STPG2: variants seen among roughly 807,000 people sequenced by gnomAD.
STPG2 encodes sperm tail PG-rich repeat containing 2.
In STPG2, 56 loss-of-function variants were observed where a neutral mutation model predicts 54.2. That is an observed-to-expected ratio of 1.03 (90% confidence interval 0.83 to 1.29). The LOEUF (loss-of-function observed/expected upper bound fraction) is 1.29, where lower values mean the gene tolerates loss of function less well. STPG2 is among the 50% of genes most tolerant of loss of function. The probability of loss-of-function intolerance (pLI) is 0.00; values close to 1 mark genes in which losing one functional copy is unlikely to be tolerated. For missense variants in STPG2, 596 were observed against 544.9 expected (o/e 1.09, Z -0.93); for synonymous variants, 200 against 181.8 (o/e 1.10, Z -0.81).
intron 6 of STPG2, among the ~76,000 whole-genome samples, chr4:97,973,182 G>A (rs1734392909): frequency 6.6e-6 from 1 of 152,160 alleles, no homozygotes; most frequent in Admixed American, 6.6e-5. Flanking sequence ...ACAGTGATAT[G>A]CACAATAAAG....
intron 8 of STPG2, among the ~76,000 whole-genome samples, chr4:97,866,782 T>A (rs1343088898): frequency 6.6e-6 from 1 of 152,018 alleles, no homozygotes; most frequent in African/African-American, 2.4e-5. Context: ...TTTTTGGTAT[T>A]CAAATGCATT....
At chr4:98,025,326 A>C in intron 5 of STPG2, 1 of 214,458 alleles carries the variant, frequency 4.7e-6, no homozygotes, top group East Asian at 1.2e-4. Flanking sequence ...TAATAAAAGG[A>C]GTGTATTGGC....
At chr4:97,466,817 A>G (rs2148812205) in intron 4 of STPG2, among the ~76,000 whole-genome samples, 1 of 152,116 alleles carries the variant, frequency 6.6e-6, no homozygotes, top group East Asian at 1.9e-4. Context: ...ATCTTTCTCC[A>G]TGTCATTTCA....
intron 4 of STPG2, among the ~76,000 whole-genome samples, chr4:97,447,658 G>A (rs1729259417): frequency 6.6e-6 from 1 of 152,184 alleles, no homozygotes; most frequent in Non-Finnish European, 1.5e-5. Context: ...TTGGGCCTGA[G>A]GGTGCATACA....
At chr4:98,011,714 A>G (rs535345411) in intron 5 of STPG2, among the ~76,000 whole-genome samples, 10 of 152,258 alleles carry the variant, frequency 6.6e-5, no homozygotes, top group African/African-American at 2.4e-4. Context: ...ATGATCAGTG[A>G]TGTTGAGCTT....
At chr4:97,699,398 C>T (rs1723693090) in intron 10 of STPG2, among the ~76,000 whole-genome samples, 1 of 152,202 alleles carries the variant, frequency 6.6e-6, no homozygotes, top group Non-Finnish European at 1.5e-5. Flanking sequence ...GGTGAGCACT[C>T]ACATGGGATA....
At chr4:97,768,275 A>G (rs537813725) in intron 9 of STPG2, among the ~76,000 whole-genome samples, 1 of 152,204 alleles carries the variant, frequency 6.6e-6, no homozygotes, top group Non-Finnish European at 1.5e-5. Context: ...AAATGGGTGG[A>G]TATTGTTAAC....
chr4:97,954,237 T>C (rs1378351920), intron 7 of STPG2, among the ~76,000 whole-genome samples: 1 of 152,182 alleles, frequency 6.6e-6, no homozygotes, highest in Non-Finnish European at 1.5e-5. Context: ...AAAGACCTCA[T>C]TGAGTTGTAG....
chr4:97,988,965 T>A (rs935865586), intron 5 of STPG2, among the ~76,000 whole-genome samples: 1 of 152,108 alleles, frequency 6.6e-6, no homozygotes, highest in Non-Finnish European at 1.5e-5. Flanking sequence ...TTTTTTAAAC[T>A]GATAATAATT....
intron 10 of STPG2, among the ~76,000 whole-genome samples, chr4:97,645,619 T>G (rs983329098): frequency 9.2e-5 from 14 of 152,088 alleles, no homozygotes; most frequent in Admixed American, 8.5e-4. Flanking sequence ...TCATGGGGGG[T>G]TGGCAACCCT....
intron 4 of STPG2, among the ~76,000 whole-genome samples, chr4:97,490,627 C>T (rs75720348): frequency 6.6e-6 from 1 of 151,480 alleles, no homozygotes; most frequent in Non-Finnish European, 1.5e-5. Context: ...ATTGAAGTAA[C>T]AATACAAAAC....
At chr4:97,496,229 T>C (rs759745123) in intron 4 of STPG2, among the ~76,000 whole-genome samples, 1 of 151,682 alleles carries the variant, frequency 6.6e-6, no homozygotes, top group African/African-American at 2.4e-5. Context: ...GTAAAGAGAA[T>C]AGCAAAAATA....
intron 10 of STPG2, among the ~76,000 whole-genome samples, chr4:97,582,531 T>A (rs56071034): frequency 6.6e-6 from 1 of 152,230 alleles, no homozygotes; most frequent in Non-Finnish European, 1.5e-5. Context: ...TAATTTTATC[T>A]TTCTGATTAT....
At chr4:97,981,473 T>G (rs963962862) in intron 5 of STPG2, among the ~76,000 whole-genome samples, 155 bp from the exon 6 acceptor site, 9 of 152,142 alleles carry the variant, frequency 5.9e-5, no homozygotes, top group Non-Finnish European at 1.0e-4. Context: ...CTTGTACCCA[T>G]CAAAACATAA....
chr4:97,640,809 A>G (rs1578447150), intron 10 of STPG2, among the ~76,000 whole-genome samples: 2 of 151,784 alleles, frequency 1.3e-5, no homozygotes, highest in East Asian at 3.9e-4. Context: ...TTTAAGTCAA[A>G]AAAACAGAGA....
At chr4:97,965,097 C>T (rs1179296404) in intron 7 of STPG2, among the ~76,000 whole-genome samples, 2 of 152,162 alleles carry the variant, frequency 1.3e-5, no homozygotes, top group African/African-American at 2.4e-5. Flanking sequence ...CAAGGGAAGC[C>T]GTGACAGACT....
chr4:97,951,455 C>G (rs907828711), intron 7 of STPG2, among the ~76,000 whole-genome samples: 5 of 152,026 alleles, frequency 3.3e-5, no homozygotes, highest in African/African-American at 1.2e-4. Flanking sequence ...ACTATTTCTT[C>G]TAATTATTCT....
chr4:97,883,602 A>C (rs891114094), intron 8 of STPG2, among the ~76,000 whole-genome samples: 1 of 152,200 alleles, frequency 6.6e-6, no homozygotes, highest in Non-Finnish European at 1.5e-5. Flanking sequence ...AAAAAAACAG[A>C]AACAGAGATA....
At chr4:98,004,224 G>A (rs191725589) in intron 5 of STPG2, among the ~76,000 whole-genome samples, 30 of 152,132 alleles carry the variant, frequency 2.0e-4, no homozygotes, top group African/African-American at 6.7e-4. Context: ...AATATTTCAC[G>A]TAAGTGAGAT....
Sources: allele counts gnomAD v4.1 joint callset (sites outside exome capture counted in the v4.1 genomes callset), GRCh38; gene constraint gnomAD v4.1.1; transcripts MANE v1.5; gene names NCBI Gene and HGNC (gene_info 2026-07-23, HGNC 2026-07-21).